The following TEAD1 variants were observed in gnomAD, a reference collection of about 807,000 sequenced individuals.
The protein encoded by TEAD1 is transcriptional enhancer factor TEF-1.
In TEAD1, 9 loss-of-function variants were observed where a neutral mutation model predicts 54.9. That is an observed-to-expected ratio of 0.16 (90% CI 0.10 to 0.29). The LOEUF is 0.29. TEAD1 is among the 10% of genes least tolerant of loss of function. The probability of loss-of-function intolerance (pLI) is 1.00; values close to 1 mark genes in which losing one functional copy is unlikely to be tolerated. For missense variants in TEAD1, 387 were observed against 535.9 expected, an observed-to-expected ratio of 0.72 and a Z score of 2.74; for synonymous variants, 200 against 187.8, an observed-to-expected ratio of 1.07 and a Z score of -0.53.
At chr11:12,879,449 G>C (rs1947921942) in intron 5 of TEAD1, 2 of 617,774 alleles carry the variant, frequency 3.2e-6, no homozygotes, top group Admixed American at 2.6e-5. Context: ...CTTCTGAGAG[G>C]CTTCACATTC....
chr11:12,928,559 C>T (rs1344038153), intron 11 of TEAD1, among the ~76,000 whole-genome samples: 1 of 152,100 alleles, frequency 6.6e-6, no homozygotes, highest in African/African-American at 2.4e-5. Context: ...TGTGAGCTGT[C>T]ACACCCAACT....
At chr11:12,709,346 TAA>T (rs60875630) in intron 2 of TEAD1, among the ~76,000 whole-genome samples, 6 of 144,816 alleles carry the variant, frequency 4.1e-5, no homozygotes, top group South Asian at 2.2e-4. Flanking sequence ...TCAAAAAAAA[TAA>T]AAAAAAAAAA....
chr11:12,889,681 A>G lies in TEAD1; in HGVS notation c.699+6556A>G, dbSNP rs148874127. On this transcript the variant is annotated intron_variant, in intron 9 of 12. Transcript: ENST00000527636. ...AGTAGAGGAACAAACCCGATCAGGG[A>G]AGGCACACGTTTGCTCAACATATGA... Among the ~76,000 whole-genome samples, 943 of 152,314 alleles carry G rather than the reference A, an allele frequency of 6.2e-3. 10 individuals are homozygous for G. Among genetic ancestry groups the G allele is most frequent in the Non-Finnish European group, 9.5e-3 (646 of 68,016 alleles).
intron 2 of TEAD1, among the ~76,000 whole-genome samples, chr11:12,703,841 T>C (rs1455686155): frequency 4.6e-5 from 7 of 152,198 alleles, no homozygotes; most frequent in Non-Finnish European, 1.0e-4. Flanking sequence ...TTCTGCTTTT[T>C]ATTAAAATTC....
chr11:12,845,907 G>T (rs1590206943), intron 3 of TEAD1, among the ~76,000 whole-genome samples: 3 of 152,338 alleles, frequency 2.0e-5, no homozygotes, highest in East Asian at 1.9e-4. Context: ...GAAAGAGGCC[G>T]GCTTGCCAGG....
chr11:12,798,562 T>A (rs1945985534), intron 3 of TEAD1, among the ~76,000 whole-genome samples: 1 of 152,184 alleles, frequency 6.6e-6, no homozygotes, highest in Admixed American at 6.5e-5. Context: ...GTGCCTGTGG[T>A]CAAGTAAATG....
At chr11:12,750,666 A>G (rs4444062) in intron 2 of TEAD1, among the ~76,000 whole-genome samples, 127,551 of 152,082 alleles carry the variant, frequency 0.84, 54,057 homozygotes, top group African/African-American at 0.96. Flanking sequence ...GTCATGGCCT[A>G]TGAGGCCCCC....
At chr11:12,767,305 G>A (rs1422421439) in intron 3 of TEAD1, among the ~76,000 whole-genome samples, 1 of 152,146 alleles carries the variant, frequency 6.6e-6, no homozygotes, top group Non-Finnish European at 1.5e-5. Flanking sequence ...GTTTCTTAAG[G>A]CCTTAAAGAG....
At chr11:12,870,479 A>G (rs890476739) in intron 5 of TEAD1, among the ~76,000 whole-genome samples, 7 of 152,164 alleles carry the variant, frequency 4.6e-5, no homozygotes, top group African/African-American at 1.7e-4. Flanking sequence ...GAAAAAAGAA[A>G]AAAAAAAAGG....
At chr11:12,758,478 T>G (rs1427928332) in intron 2 of TEAD1, among the ~76,000 whole-genome samples, 2 of 146,276 alleles carry the variant, frequency 1.4e-5, no homozygotes, top group Admixed American at 1.4e-4. Context: ...TGGCGCAATC[T>G]CAGCTTACTG....
chr11:12,929,163 C>CGTGTGTGTGTGTGT (rs60060462), intron 11 of TEAD1, among the ~76,000 whole-genome samples: 3,265 of 106,632 alleles, frequency 0.031, 127 homozygotes, highest in East Asian at 0.16. Flanking sequence ...TTTGCTTTGC[C>CGTGTGTGTGTGTGT]GTGTGTGTGT....
At chr11:12,852,170 C>T (rs1022265211) in intron 3 of TEAD1, among the ~76,000 whole-genome samples, 15 of 152,178 alleles carry the variant, frequency 9.9e-5, no homozygotes, top group African/African-American at 3.4e-4. Flanking sequence ...GTCTGGGGAA[C>T]TCTATGAAGA....
intron 3 of TEAD1, among the ~76,000 whole-genome samples, chr11:12,796,655 G>A (rs1945932231): frequency 6.6e-6 from 1 of 151,948 alleles, no homozygotes; most frequent in Non-Finnish European, 1.5e-5. Context: ...AGCCCAAGGA[G>A]GTTGAGGCTT....
chr11:12,916,856 TGAG>T (rs1236523272), intron 10 of TEAD1, among the ~76,000 whole-genome samples: 1 of 151,870 alleles, frequency 6.6e-6, no homozygotes, highest in Non-Finnish European at 1.5e-5. Flanking sequence ...ACTATGTGGG[TGAG>T]GAGGAGGAGA....
rs1358713940 is a variant in TEAD1, at chr11:12,879,820, C to T, written c.443C>T (p.Pro148Leu). 9 of 1,613,754 alleles carry T rather than the reference C, an allele frequency of 5.6e-6. No homozygotes were observed. The highest frequency in any genetic ancestry group is 7.6e-6 in the Non-Finnish European group (9 of 1,180,048). Reference sequence around the variant, plus strand: ...CTGGGGCTGCCTGGGATTCCACGCCCGACCTTCCCAGGGGCGCCGGGGGTA... The same window carrying T: ...CTGGGGCTGCCTGGGATTCCACGCCTGACCTTCCCAGGGGCGCCGGGGGTA... Residue 148 changes from proline (P) to leucine (L), a missense_variant, in exon 6 of 13, where the codon CCG becomes CTG. Coordinates refer to ENST00000527636, the MANE Select transcript of TEAD1 (RefSeq NM_021961.6).
chr11:12,793,912 C>T (rs987302792), intron 3 of TEAD1, among the ~76,000 whole-genome samples: 4 of 152,164 alleles, frequency 2.6e-5, no homozygotes, highest in Non-Finnish European at 5.9e-5. Context: ...TGGGATATCC[C>T]TTGAGAGTAT....
chr11:12,840,940 A>G (rs1947026123), intron 3 of TEAD1, among the ~76,000 whole-genome samples: 1 of 152,166 alleles, frequency 6.6e-6, no homozygotes, highest in Non-Finnish European at 1.5e-5. Context: ...CCCAAGCCAG[A>G]CCTGTCTGAA....
intron 10 of TEAD1, among the ~76,000 whole-genome samples, chr11:12,919,689 G>A (rs1227460817): frequency 6.6e-6 from 1 of 151,754 alleles, no homozygotes; most frequent in Non-Finnish European, 1.5e-5. Flanking sequence ...TTGTAGAGAT[G>A]GCATCTCCCT....
intron 2 of TEAD1, among the ~76,000 whole-genome samples, chr11:12,727,479 A>G (rs1944336305): frequency 6.6e-6 from 1 of 151,976 alleles, no homozygotes; most frequent in South Asian, 2.1e-4. Flanking sequence ...ACTAACACCC[A>G]TCCCACAGTG....
Sources: allele counts gnomAD v4.1 joint callset (sites outside exome capture counted in the v4.1 genomes callset), GRCh38; gene constraint gnomAD v4.1.1; transcripts MANE v1.5; gene names NCBI Gene and HGNC (gene_info 2026-07-23, HGNC 2026-07-21).